EDARADD: variants seen among roughly 807,000 people sequenced by gnomAD.
The protein encoded by EDARADD is EDAR associated via death domain.
In EDARADD, 20 loss-of-function variants were observed where a neutral mutation model predicts 25.6. That is an observed-to-expected ratio of 0.78 (90% CI 0.55 to 1.14). EDARADD has a LOEUF of 1.14. Among genes scored for constraint, EDARADD ranks in the 50% most tolerant of loss-of-function variants. The probability of loss-of-function intolerance (pLI) is 0.00; values close to 1 mark genes in which losing one functional copy is unlikely to be tolerated. For synonymous variants in EDARADD, 86 were observed against 94.4 expected (o/e 0.91, Z 0.52); for missense variants, 225 against 270.1 (o/e 0.83, Z 1.17).
intron 3 of EDARADD, among the ~76,000 whole-genome samples, chr1:236,419,913 C>T (rs1390594849): frequency 2.0e-5 from 3 of 152,212 alleles, no homozygotes; most frequent in Admixed American, 6.5e-5. Context: ...GACGGTGACT[C>T]GCGCCTGTAA....
intron 4 of EDARADD, among the ~76,000 whole-genome samples, chr1:236,460,329 C>A (rs777108712): frequency 2.0e-5 from 3 of 151,880 alleles, no homozygotes; most frequent in Admixed American, 1.3e-4. Flanking sequence ...GGACTACAGG[C>A]GCTCACCACA....
intron 3 of EDARADD, among the ~76,000 whole-genome samples, chr1:236,369,776 T>C (rs746302016): frequency 6.6e-6 from 1 of 152,008 alleles, no homozygotes; most frequent in Non-Finnish European, 1.5e-5. Context: ...AGGTGGAGGT[T>C]CGGTGAGCCG....
chr1:236,482,389 G>A lies in EDARADD; in HGVS notation c.388G>A (p.Asp130Asn). 6.2e-7 allele frequency: 1 copy of A among 1,614,178 alleles called. No individual in the cohort carries two copies. Among genetic ancestry groups the A allele is most frequent in the Non-Finnish European group, 8.5e-7 (1 of 1,180,020 alleles). The change falls in exon 6 of 6, where the codon GAT becomes AAT. Residue 130 changes from aspartate (D) to asparagine (N), a missense_variant. Asp to Asn is a conservative substitution (Grantham distance 23). Coordinates refer to ENST00000334232, the MANE Select transcript of EDARADD (RefSeq NM_145861.4). ...DLLDVIRIKL[D>N]PCHPTVKNWR... ...ACTAGACGTGATCAGGATAAAGCTG[G>A]ATCCGTGTCACCCAACGGTGAAAAA...
intron 4 of EDARADD, among the ~76,000 whole-genome samples, chr1:236,437,046 C>A (rs1292078897): frequency 6.6e-6 from 1 of 152,174 alleles, no homozygotes; most frequent in South Asian, 2.1e-4. Flanking sequence ...ATGGTGAATA[C>A]CTAGAGCTTA....
intron 2 of EDARADD, among the ~76,000 whole-genome samples, chr1:236,411,520 T>TTTC (rs1451957292): frequency 2.4e-4 from 36 of 147,550 alleles, no homozygotes; most frequent in Non-Finnish European, 3.9e-4. Context: ...CTCCTTCTTC[T>TTTC]TTCTTCTTCT....
At chr1:236,479,514 AC>A (rs201463409) in intron 5 of EDARADD, among the ~76,000 whole-genome samples, 11 of 150,908 alleles carry the variant, frequency 7.3e-5, no homozygotes, top group South Asian at 2.1e-4. Context: ...GAAAAAAAAA[AC>A]CTCTCTATTC....
chr1:236,441,845 A>T (rs965745049), intron 4 of EDARADD, among the ~76,000 whole-genome samples: 1 of 152,108 alleles, frequency 6.6e-6, no homozygotes, highest in African/African-American at 2.4e-5. Flanking sequence ...ACCCTCTTTA[A>T]TTCTATAAAG....
In EDARADD at chr1:236,378,567, G is replaced by T. The variant is rs143342412; in HGVS notation, c.-6+27728G>T. 1.0e-2 allele frequency among the ~76,000 whole-genome samples: 1,516 copies of T among 152,292 alleles called. 27 individuals carry two copies. Among genetic ancestry groups the T allele is most frequent in the African/African-American group, 0.034 (1,405 of 41,550 alleles). On this transcript the variant is annotated intron_variant, in intron 3 of 7. Transcript: ENST00000439430. ...TCTGACAAATGTAAGAAGAGTGTTA[G>T]ATTTTTCAGTGTGTGGAGCTTTGTA...
At chr1:236,365,139 GT>G (rs2102992292) in intron 3 of EDARADD, among the ~76,000 whole-genome samples, 1 of 138,662 alleles carries the variant, frequency 7.2e-6, no homozygotes, top group Admixed American at 7.8e-5. Context: ...GATCACATAG[GT>G]TTTCTTTTCT....
intron 3 of EDARADD, among the ~76,000 whole-genome samples, chr1:236,378,478 C>T (rs1000725402): frequency 6.6e-6 from 1 of 152,140 alleles, no homozygotes; most frequent in South Asian, 2.1e-4. Flanking sequence ...AGTTGTGGGT[C>T]TCTATATCCA....
At position 236,427,392 on chromosome 1, in the gene EDARADD, C is replaced by G. The variant is rs761543653; in HGVS notation, c.161C>G (p.Ala54Gly). 1 of 1,606,430 alleles carries G rather than the reference C, an allele frequency of 6.2e-7. No homozygotes were observed. Among genetic ancestry groups the G allele is most frequent in the Non-Finnish European group, 8.5e-7 (1 of 1,177,224 alleles). Reference sequence around the variant, plus strand: ...CTTTCTTTCTTTTTTTTTTTCCTAGCTGAAGAATGTGATACAATTACTTTG... The same window carrying G: ...CTTTCTTTCTTTTTTTTTTTCCTAGGTGAAGAATGTGATACAATTACTTTG... ...YPIQDTELPK[A>G]EECDTITLNC... The change falls in exon 4 of 6, where the codon GCT becomes GGT. Residue 54 changes from alanine (A) to glycine (G), a missense_variant and splice_region_variant. By Grantham distance (60) the Ala-to-Gly change is moderately conservative (BLOSUM62 0). Coordinates refer to ENST00000334232, the MANE Select transcript of EDARADD (RefSeq NM_145861.4).
intron 4 of EDARADD, among the ~76,000 whole-genome samples, chr1:236,448,895 T>G (rs1185447611): frequency 6.6e-6 from 1 of 152,202 alleles, no homozygotes; most frequent in Non-Finnish European, 1.5e-5. Context: ...CAGAAGCAAC[T>G]GACATAACCA....
intron 4 of EDARADD, among the ~76,000 whole-genome samples, chr1:236,455,389 C>T (rs570672646): frequency 4.5e-4 from 69 of 152,208 alleles, no homozygotes; most frequent in Non-Finnish European, 7.9e-4. Flanking sequence ...GGTGTCAGCC[C>T]GACAGGCCCC....
At chr1:236,373,895 T>C (rs1226412207) in intron 3 of EDARADD, among the ~76,000 whole-genome samples, 2 of 152,380 alleles carry the variant, frequency 1.3e-5, no homozygotes, top group Non-Finnish European at 1.5e-5. Context: ...TTAAAATTTA[T>C]CTTTTGATTT....
intron 1 of EDARADD, among the ~76,000 whole-genome samples, chr1:236,401,685 T>C (rs1667613843): frequency 6.6e-6 from 1 of 152,114 alleles, no homozygotes; most frequent in Non-Finnish European, 1.5e-5. Flanking sequence ...AGGAGGCAAA[T>C]AGATTCTGCA....
At chr1:236,377,670 C>T (rs1332563571) in intron 3 of EDARADD, among the ~76,000 whole-genome samples, 2 of 150,912 alleles carry the variant, frequency 1.3e-5, no homozygotes, top group African/African-American at 4.9e-5. Context: ...CCATCCTGGC[C>T]AACATGGTGA....
chr1:236,395,610 T>C lies in EDARADD; in HGVS notation c.61+1105T>C. The C allele has an allele frequency of 6.4e-7, 1 of 1,561,694 alleles. No individual in the cohort carries two copies. The highest frequency in any genetic ancestry group is 8.7e-7 in the Non-Finnish European group (1 of 1,155,738). On this transcript the variant is annotated intron_variant, in intron 1 of 5. Coordinates refer to ENST00000334232, the MANE Select transcript of EDARADD (RefSeq NM_145861.4). This position sits in a 1 kb window ranked among gnomAD's most constrained non-coding sequence, Gnocchi z 6.9. ...CCTGCCAGCCCCGCTCGGACGCTCG[T>C]TTGCCCCTAACCCGCCGCCATGGCT...
chr1:236,437,736 G>T (rs1658295974), intron 4 of EDARADD, among the ~76,000 whole-genome samples: 2 of 142,770 alleles, frequency 1.4e-5, no homozygotes, highest in South Asian at 4.5e-4. Flanking sequence ...GGCAGGGTTG[G>T]TTCCTTCTTT....
chr1:236,464,872 C>G (rs1659146075), intron 4 of EDARADD, among the ~76,000 whole-genome samples: 1 of 152,026 alleles, frequency 6.6e-6, no homozygotes, highest in African/African-American at 2.4e-5. Flanking sequence ...TTACAGCTGT[C>G]TCTTCACTTC....
Sources: gnomAD v4.1 joint callset for allele counts (sites outside exome capture counted in the v4.1 genomes callset) on GRCh38, gnomAD v4.1.1 for gene constraint, Gnocchi (gnomAD v3.1) non-coding constraint, MANE v1.5 for transcripts, NCBI Gene and HGNC (gene_info 2026-07-23, HGNC 2026-07-21) for gene names.